Variants in SH3RF3 observed in about 807,000 individuals in gnomAD.
SH3RF3 encodes the protein SH3 domain containing ring finger 3.
In SH3RF3, 29 loss-of-function variants were observed where a neutral mutation model predicts 66.3. The ratio of observed to expected loss-of-function variants is 0.44; its 90% CI spans 0.33 to 0.60. SH3RF3 has a LOEUF of 0.60. SH3RF3 is among the 20% of genes least tolerant of loss of function. The pLI is 0.04. For missense variants in SH3RF3, 1,194 were observed against 1,190.9 expected (o/e 1.00, Z -0.04); for synonymous variants, 583 against 532.0 (o/e 1.10, Z -1.32).
chr2:109,272,940 A>G (rs958877234), intron 1 of SH3RF3, among the ~76,000 whole-genome samples: 16 of 152,330 alleles, frequency 1.1e-4, no homozygotes, highest in African/African-American at 3.8e-4. Flanking sequence ...CATGAAAGGA[A>G]TCACAAAGGA....
intron 1 of SH3RF3, among the ~76,000 whole-genome samples, chr2:109,302,776 G>A (rs10208078): frequency 0.27 from 41,652 of 152,014 alleles, 7,460 homozygotes; most frequent in African/African-American, 0.51. Flanking sequence ...GCCTCTCGGA[G>A]GCTGAAATAA....
chr2:109,457,496 G>A (rs527559623), intron 8 of SH3RF3, among the ~76,000 whole-genome samples: 1 of 152,342 alleles, frequency 6.6e-6, no homozygotes, highest in Non-Finnish European at 1.5e-5. Flanking sequence ...CCTCCCCAAA[G>A]GGCACTGACT....
intron 8 of SH3RF3, among the ~76,000 whole-genome samples, chr2:109,460,527 C>T (rs770769935): frequency 1.3e-5 from 2 of 152,186 alleles, no homozygotes; most frequent in Non-Finnish European, 2.9e-5. Context: ...GTCCACTGGG[C>T]AATGACAGGA....
At chr2:109,159,972 A>G (rs1677447698) in intron 1 of SH3RF3, among the ~76,000 whole-genome samples, 2 of 152,246 alleles carry the variant, frequency 1.3e-5, no homozygotes, top group African/African-American at 4.8e-5. Flanking sequence ...TAATAGAAAT[A>G]AAGTGCACAA....
intron 1 of SH3RF3, among the ~76,000 whole-genome samples, chr2:109,160,565 C>T (rs1677465230): frequency 6.6e-6 from 1 of 152,208 alleles, no homozygotes; most frequent in Admixed American, 6.5e-5. Context: ...TCATCTGATT[C>T]TAGCAGTAAC....
chr2:109,134,476 A>G (rs1676773241), intron 1 of SH3RF3, among the ~76,000 whole-genome samples: 1 of 152,200 alleles, frequency 6.6e-6, no homozygotes, highest in Admixed American at 6.5e-5. Flanking sequence ...CAGCGAGTGA[A>G]TAATCTAAAT....
At chr2:109,436,668 T>C (rs966136212) in intron 6 of SH3RF3, among the ~76,000 whole-genome samples, 4 of 152,254 alleles carry the variant, frequency 2.6e-5, no homozygotes, top group African/African-American at 9.6e-5. Context: ...TCAGGGCGGC[T>C]TTGCTATCTC....
intron 3 of SH3RF3, among the ~76,000 whole-genome samples, chr2:109,374,771 G>A (rs1683344875): frequency 1.3e-5 from 2 of 152,220 alleles, no homozygotes; most frequent in Admixed American, 1.3e-4. Flanking sequence ...ACCTGGCAGG[G>A]TTCTACCCAG....
chr2:109,274,057 A>G (rs1426138068), intron 1 of SH3RF3, among the ~76,000 whole-genome samples: 1 of 152,230 alleles, frequency 6.6e-6, no homozygotes, highest in East Asian at 1.9e-4. Context: ...TGTGATTATT[A>G]TTAACATTAC....
intron 7 of SH3RF3, among the ~76,000 whole-genome samples, chr2:109,446,621 G>T (rs750069053): frequency 8.5e-5 from 13 of 152,188 alleles, no homozygotes; most frequent in Admixed American, 6.5e-4. Flanking sequence ...GCAGCTATGA[G>T]GGAGGTGAGG....
chr2:109,374,229 T>C (rs1335001713), intron 3 of SH3RF3, among the ~76,000 whole-genome samples: 1 of 152,168 alleles, frequency 6.6e-6, no homozygotes, highest in Non-Finnish European at 1.5e-5. Flanking sequence ...CCAAGCATCC[T>C]TGGGCAGGGG....
intron 1 of SH3RF3, among the ~76,000 whole-genome samples, chr2:109,307,760 T>C (rs1354320165): frequency 6.7e-6 from 1 of 149,180 alleles, no homozygotes; most frequent in Non-Finnish European, 1.5e-5. Context: ...AACTCATCAT[T>C]TTTTATGGCT....
At chr2:109,249,973 C>T (rs549991639) in intron 1 of SH3RF3, among the ~76,000 whole-genome samples, 18 of 152,002 alleles carry the variant, frequency 1.2e-4, no homozygotes, top group African/African-American at 3.1e-4. Context: ...CGTGAGCCAC[C>T]GCGCCCGGCC....
intron 1 of SH3RF3, among the ~76,000 whole-genome samples, chr2:109,176,037 C>G (rs1258927427): frequency 2.6e-5 from 4 of 151,994 alleles, no homozygotes; most frequent in African/African-American, 4.9e-5. Context: ...CCTTGAGACT[C>G]TGTCTTCACT....
chr2:109,469,529 A>G (rs1342450340), intron 8 of SH3RF3, among the ~76,000 whole-genome samples: 1 of 152,038 alleles, frequency 6.6e-6, no homozygotes, highest in Non-Finnish European at 1.5e-5. Flanking sequence ...TCAAAGCACA[A>G]AACTTAGGCT....
chr2:109,440,884 A>G (rs915533609), intron 7 of SH3RF3, among the ~76,000 whole-genome samples: 1 of 152,162 alleles, frequency 6.6e-6, no homozygotes, highest in South Asian at 2.1e-4. Flanking sequence ...GAAAGAAAGG[A>G]TTAGTGCTAA....
chr2:109,251,321 C>G, intron 1 of SH3RF3: 1 of 444,480 alleles, frequency 2.2e-6, no homozygotes, highest in South Asian at 2.1e-5. Flanking sequence ...TTATCTTTAA[C>G]AAAGAATTAG....
intron 4 of SH3RF3, among the ~76,000 whole-genome samples, chr2:109,409,526 G>A (rs545991287): frequency 6.6e-6 from 1 of 152,286 alleles, no homozygotes; most frequent in East Asian, 1.9e-4. Context: ...TCCTACGGGG[G>A]CAGGTGGCTT....
chr2:109,202,101 G>A (rs943728923), intron 1 of SH3RF3, among the ~76,000 whole-genome samples: 1 of 152,212 alleles, frequency 6.6e-6, no homozygotes, highest in Non-Finnish European at 1.5e-5. Context: ...CCCTCGAGGC[G>A]ATCTCGGCCA....
Sources: gnomAD v4.1 joint callset for allele counts (sites outside exome capture counted in the v4.1 genomes callset) on GRCh38, gnomAD v4.1.1 for gene constraint, MANE v1.5 for transcripts, NCBI Gene and HGNC (gene_info 2026-07-23, HGNC 2026-07-21) for gene names.